Variants in ZNF282 observed in about 807,000 individuals in gnomAD.
ZNF282 encodes the protein HTLV-I U5 repressive element-binding protein 1.
A neutral mutation model predicts 61.9 loss-of-function variants in ZNF282; 30 were observed. That is an observed-to-expected ratio of 0.48 (90% CI 0.36 to 0.66). The LOEUF is 0.66. ZNF282 is among the 30% of genes least tolerant of loss of function. The pLI is 0.00. For synonymous variants in ZNF282, 396 were observed against 405.0 expected (o/e 0.98, Z 0.27); for missense variants, 788 against 941.4 (o/e 0.84, Z 2.13).
At chr7:149,207,600 G>A (rs2129523300) in intron 4 of ZNF282, 130 bp downstream of exon 4, 1 of 1,377,312 alleles carries the variant, frequency 7.3e-7, no homozygotes, top group Non-Finnish European at 9.7e-7. Context: ...GGCTCCCAGG[G>A]GCCAGTTCTG....
intron 7 of ZNF282, among the ~76,000 whole-genome samples, chr7:149,217,577 G>C (rs1202391): frequency 0.071 from 10,822 of 151,940 alleles, 405 homozygotes; most frequent in Middle Eastern, 0.14. Context: ...AAAAAAAATT[G>C]GGAGTGAAGA....
chr7:149,206,108 C>A (rs938895127), intron 2 of ZNF282, among the ~76,000 whole-genome samples: 3 of 152,194 alleles, frequency 2.0e-5, no homozygotes, highest in African/African-American at 7.2e-5. Context: ...CGACTCGGGC[C>A]GCAGTGGAGC....
chr7:149,217,881 C>T (rs886135637), intron 7 of ZNF282, among the ~76,000 whole-genome samples: 8 of 151,986 alleles, frequency 5.3e-5, no homozygotes, highest in East Asian at 3.9e-4. Flanking sequence ...AGGATGGAGC[C>T]GTAGACTGAG....
In ZNF282 at chr7:149,206,947, A is replaced by G. The variant is rs75624220; in HGVS notation, c.712+125A>G. On this transcript the variant is annotated intron_variant, in intron 3 of 7. Transcript: ENST00000610704. Reference sequence around the variant, plus strand: ...TTTTTATGTAATGGAAACTCAGGAAACCATTTGCTTATAATGCTAGTAGGA... The same window carrying G: ...TTTTTATGTAATGGAAACTCAGGAAGCCATTTGCTTATAATGCTAGTAGGA... 272 of 1,348,068 alleles carry G rather than the reference A, an allele frequency of 2.0e-4. 2 individuals are homozygous for G. The African/African-American group carries it at 3.4e-3, about 17-fold the overall frequency. 83.5% of individuals were successfully genotyped at this position (1,348,068 alleles called of 1,614,324 possible). A position where few individuals can be genotyped will look rare whatever the true frequency, so the allele number is the denominator to read the frequency against.
intron 1 of ZNF282, among the ~76,000 whole-genome samples, chr7:149,196,784 G>C (rs1232770935): frequency 1.3e-5 from 2 of 152,132 alleles, no homozygotes; most frequent in Non-Finnish European, 2.9e-5. Flanking sequence ...GGGTGCTTTT[G>C]ATGGAAACAC....
At position 149,212,367 on chromosome 7, in the gene ZNF282, T is replaced by C. The variant is rs761319942; in HGVS notation, c.962T>C (p.Ile321Thr). ...TTGTTCCCGCAAGTAGACTCCCCAA[T>C]TTCTGCCCAGGACCTCTTGTCCCGG... ...IPTESITDSP[I>T]SAQDLLSRIK... Residue 321 changes from isoleucine to threonine, a missense_variant, in exon 6 of 8, where the codon ATT (isoleucine) becomes ACT (threonine). Ile to Thr is a moderately conservative substitution (Grantham distance 89). This residue lies in a region of ZNF282 where 559 missense variants were observed against 642.0 expected (regional missense o/e 0.87). Transcript: ENST00000610704. The C allele has an allele frequency of 6.2e-7, 1 of 1,609,918 alleles. No individual in the cohort carries two copies. Among genetic ancestry groups the C allele is most frequent in the Non-Finnish European group, 8.5e-7 (1 of 1,178,578 alleles).
At chr7:149,204,706 C>T (rs921758455) in intron 2 of ZNF282, among the ~76,000 whole-genome samples, 8 of 152,090 alleles carry the variant, frequency 5.3e-5, no homozygotes, top group African/African-American at 1.2e-4. Flanking sequence ...ACAAGCCTCC[C>T]GGAGAACATA....
At chr7:149,208,395 G>C (rs1370745689) in intron 4 of ZNF282, among the ~76,000 whole-genome samples, 2 of 151,954 alleles carry the variant, frequency 1.3e-5, no homozygotes, top group East Asian at 3.9e-4. Flanking sequence ...TAGGGACAGG[G>C]TTTCACCATG....
At chr7:149,206,499 C>T in intron 2 of ZNF282, 197 bp from the exon 3 acceptor site, 1 of 714,926 alleles carries the variant, frequency 1.4e-6, no homozygotes. Flanking sequence ...GCAGGGTTGA[C>T]CATCCGTGTT....
In ZNF282 at chr7:149,195,772, G is replaced by A. The variant is rs1313016731; in HGVS notation, c.165+18G>A. 1.4e-6 allele frequency: 2 copies of A among 1,478,828 alleles called. No individual in the cohort carries two copies. The highest frequency in any genetic ancestry group is 8.9e-7 in the Non-Finnish European group (1 of 1,118,966). 91.6% of individuals were successfully genotyped at this position (1,478,828 alleles called of 1,614,324 possible). A position where few individuals can be genotyped will look rare whatever the true frequency, so the allele number is the denominator to read the frequency against. ...CCATGCAGGTGGGAGAACCCCGCCG[G>A]CGCCATGGCCGCGCTGCCGTGGGGG... On this transcript the variant is annotated intron_variant, in intron 1 of 7. Coordinates refer to ENST00000610704, the MANE Select transcript of ZNF282 (RefSeq NM_003575.4).
intron 2 of ZNF282, 87 bp from the exon 3 acceptor site, chr7:149,206,609 G>A: frequency 1.3e-5 from 21 of 1,587,484 alleles, no homozygotes; most frequent in Non-Finnish European, 1.8e-5. Flanking sequence ...GGCTTTGGTG[G>A]GGAGTGGGTC....
intron 4 of ZNF282, among the ~76,000 whole-genome samples, 178 bp from the exon 5 acceptor site, chr7:149,210,407 G>A (rs1209624211): frequency 1.3e-5 from 2 of 152,158 alleles, no homozygotes; most frequent in African/African-American, 4.8e-5. Context: ...ATAGGAACCC[G>A]AGACCCCTGT....
chr7:149,209,961 A>C (rs1052452769), intron 4 of ZNF282, among the ~76,000 whole-genome samples: 1 of 152,174 alleles, frequency 6.6e-6, no homozygotes, highest in African/African-American at 2.4e-5. Flanking sequence ...ATAGAAGGAA[A>C]TGATGTTATT....
intron 2 of ZNF282, among the ~76,000 whole-genome samples, chr7:149,202,067 A>G (rs1238745311): frequency 6.6e-6 from 1 of 151,664 alleles, no homozygotes; most frequent in African/African-American, 2.4e-5. Context: ...CACGTCCCCC[A>G]AGCACACTCG....
chr7:149,217,489 G>A (rs1389331419), intron 7 of ZNF282, among the ~76,000 whole-genome samples: 6 of 152,078 alleles, frequency 3.9e-5, no homozygotes, highest in Non-Finnish European at 8.8e-5. Context: ...GCTTGAATCC[G>A]GGAGGCGGAG....
chr7:149,223,597 C>T (rs989978763), intron 7 of ZNF282, among the ~76,000 whole-genome samples: 12 of 152,216 alleles, frequency 7.9e-5, no homozygotes, highest in African/African-American at 2.9e-4. Flanking sequence ...GTCCTTGCTG[C>T]GTGCCACCTG....
At chr7:149,210,469 G>A (rs1426198598) in intron 4 of ZNF282, 116 bp from the exon 5 acceptor site, 5 of 1,522,464 alleles carry the variant, frequency 3.3e-6, no homozygotes, top group Non-Finnish European at 4.4e-6. Flanking sequence ...AGAATGTCCT[G>A]GTGACCAGCA....
intron 6 of ZNF282, among the ~76,000 whole-genome samples, chr7:149,212,828 C>T (rs1019766893): frequency 6.6e-6 from 1 of 152,116 alleles, no homozygotes; most frequent in Non-Finnish European, 1.5e-5. Flanking sequence ...ATGATCTGCC[C>T]GCCTCAGCCT....
At chr7:149,207,959 T>C (rs1194744707) in intron 4 of ZNF282, among the ~76,000 whole-genome samples, 2 of 152,216 alleles carry the variant, frequency 1.3e-5, no homozygotes, top group African/African-American at 4.8e-5. Flanking sequence ...GAAGGAATCT[T>C]AAGCCTGAGG....
Sources: allele counts gnomAD v4.1 joint callset (sites outside exome capture counted in the v4.1 genomes callset), GRCh38; gene constraint gnomAD v4.1.1; regional missense constraint gnomAD v4.1.1; transcripts MANE v1.5; gene names NCBI Gene and HGNC (gene_info 2026-07-23, HGNC 2026-07-21).